Variants in TMEM65 observed in about 807,000 individuals in gnomAD.
TMEM65 encodes transmembrane protein 65.
TMEM65 carries 22 observed loss-of-function variants against 25.4 expected under a neutral mutation model. The observed-to-expected ratio is 0.86, with a 90% CI of 0.62 to 1.23. The LOEUF (loss-of-function observed/expected upper bound fraction) is 1.23, where lower values mean the gene tolerates loss of function less well. Ranked by LOEUF, TMEM65 falls within the 50% of genes most tolerant of loss-of-function variation. The pLI is 0.00. For missense variants in TMEM65, 262 were observed against 308.2 expected (o/e 0.85, Z 1.12); for synonymous variants, 132 against 126.2 (o/e 1.05, Z -0.31).
At chr8:124,363,256 G>A (rs1814894603) in intron 1 of TMEM65, among the ~76,000 whole-genome samples, 1 of 152,150 alleles carries the variant, frequency 6.6e-6, no homozygotes, top group East Asian at 1.9e-4. Flanking sequence ...AATAAGAAAT[G>A]ATGTTTAATC....
At chr8:124,342,382 T>G (rs1223308310) in intron 1 of TMEM65, among the ~76,000 whole-genome samples, 1 of 152,102 alleles carries the variant, frequency 6.6e-6, no homozygotes, top group Non-Finnish European at 1.5e-5. Context: ...TTCATAAAAC[T>G]GCTAACCCAA....
chr8:124,310,298 C>T lies in TMEM65; in HGVS notation c.*3662G>A, dbSNP rs922299248. On this transcript the variant is annotated 3_prime_UTR_variant, in exon 7 of 7. Coordinates refer to ENST00000297632, the MANE Select transcript of TMEM65 (RefSeq NM_194291.3). ...AGCACATAGTATGTAATAAAGAACA[C>T]AAGATTTCTTAAATGAATCTTGGAT... The T allele has an allele frequency of 1.3e-5, 2 of 152,134 alleles. No homozygotes were observed. The highest frequency in any genetic ancestry group is 2.4e-5 in the African/African-American group (1 of 41,424). The allele number at this position is 152,134 out of a possible 1,614,324, so 9.4% of individuals were successfully genotyped here. A position where few individuals can be genotyped will look rare whatever the true frequency, so the allele number is the denominator to read the frequency against.
chr8:124,354,010 T>G (rs375596400), intron 1 of TMEM65, among the ~76,000 whole-genome samples: 1 of 152,084 alleles, frequency 6.6e-6, no homozygotes, highest in African/African-American at 2.4e-5. Flanking sequence ...ATGGGCCAAA[T>G]GATAGGATGA....
chr8:124,369,242 T>C (rs1001485036), intron 1 of TMEM65, among the ~76,000 whole-genome samples: 1 of 152,356 alleles, frequency 6.6e-6, no homozygotes, highest in African/African-American at 2.4e-5. Context: ...CACAATATTC[T>C]ATTTAACTAT....
At chr8:124,348,324 T>G (rs1406134932) in intron 1 of TMEM65, among the ~76,000 whole-genome samples, 8 of 152,144 alleles carry the variant, frequency 5.3e-5, no homozygotes, top group African/African-American at 1.9e-4. Flanking sequence ...GACCTGTAGT[T>G]TCACACATAT....
chr8:124,365,538 C>A (rs772564803), intron 1 of TMEM65, among the ~76,000 whole-genome samples: 2 of 152,128 alleles, frequency 1.3e-5, no homozygotes, highest in African/African-American at 2.4e-5. Context: ...CCAAAGATAT[C>A]CCACATTCTA....
At position 124,361,783 on chromosome 8, in the gene TMEM65, C is replaced by G. The variant is rs189969396; in HGVS notation, c.304+10071G>C. On this transcript the variant is annotated intron_variant, in intron 1 of 6. Coordinates refer to ENST00000297632, the MANE Select transcript of TMEM65 (RefSeq NM_194291.3). ...CCCGGGAGGCAGAGGTTGCAGTGAG[C>G]GGAGATTGCGCCACTGCACTGCAGC... Among the ~76,000 whole-genome samples the G allele has an allele frequency of 9.4e-3, 1,429 of 151,288 alleles. 30 individuals are homozygous for G. Among genetic ancestry groups the G allele is most frequent in the Middle Eastern group, 0.017 (5 of 294 alleles).
At chr8:124,363,794 G>A (rs898126514) in intron 1 of TMEM65, among the ~76,000 whole-genome samples, 1 of 114,862 alleles carries the variant, frequency 8.7e-6, no homozygotes, top group Admixed American at 1.3e-4. Context: ...CCGAGATCCC[G>A]CCACTGCACT....
intron 1 of TMEM65, among the ~76,000 whole-genome samples, chr8:124,360,883 T>C (rs1233537167): frequency 6.6e-6 from 1 of 152,256 alleles, no homozygotes; most frequent in African/African-American, 2.4e-5. Flanking sequence ...TGTGTGTCTA[T>C]GTGTTAATAT....
Position 124,311,257 on chromosome 8 carries a change from T to A in TMEM65, c.*2703A>T, listed in dbSNP as rs564282670. ...GGAGGTGGTAAATTGTTCCATTCAC[T>A]ATCTCAGTGACATTGCTGCCACCTT... On this transcript the variant is annotated 3_prime_UTR_variant, in exon 7 of 7. Coordinates refer to ENST00000297632, the MANE Select transcript of TMEM65 (RefSeq NM_194291.3). 6.6e-6 allele frequency: 1 copy of A among 152,598 alleles called. No individual in the cohort carries two copies. Among genetic ancestry groups the A allele is most frequent in the South Asian group, 2.1e-4 (1 of 4,826 alleles). The allele number at this position is 152,598 out of a possible 1,614,324, so 9.5% of individuals were successfully genotyped here.
intron 3 of TMEM65, among the ~76,000 whole-genome samples, chr8:124,325,332 AT>A (rs1014903109): frequency 1.2e-4 from 19 of 152,088 alleles, no homozygotes; most frequent in African/African-American, 4.3e-4. Context: ...ATAATCACTT[AT>A]TTCCCCTTTC....
At chr8:124,326,087 T>G (rs1024304741) in intron 3 of TMEM65, among the ~76,000 whole-genome samples, 2 of 152,052 alleles carry the variant, frequency 1.3e-5, no homozygotes, top group African/African-American at 4.8e-5. Context: ...TTTTTAAAAG[T>G]TAGAGTCAGT....
intron 1 of TMEM65, among the ~76,000 whole-genome samples, chr8:124,358,596 T>C (rs73333906): frequency 0.02 from 2,975 of 152,304 alleles, 104 homozygotes; most frequent in African/African-American, 0.068. Context: ...CACTTCCATT[T>C]TCCATAAGTC....
chr8:124,333,793 G>C (rs1814467104), intron 1 of TMEM65, among the ~76,000 whole-genome samples: 1 of 152,178 alleles, frequency 6.6e-6, no homozygotes, highest in Non-Finnish European at 1.5e-5. Flanking sequence ...GTTTGTTGCA[G>C]CTTTCAGCCT....
Position 124,312,965 on chromosome 8 carries a change from A to G in TMEM65, c.*995T>C, listed in dbSNP as rs1478511144. On this transcript the variant is annotated 3_prime_UTR_variant, in exon 7 of 7. Transcript: ENST00000297632. Reference sequence around the variant, plus strand: ...TATTCCATTCAGATGAGAAGATGACATCTTTGGAGGGAAAAAAAAAAACCT... The same window carrying G: ...TATTCCATTCAGATGAGAAGATGACGTCTTTGGAGGGAAAAAAAAAAACCT... 1 of 150,276 alleles carries G rather than the reference A, an allele frequency of 6.7e-6. No homozygotes were observed. The highest frequency in any genetic ancestry group is 1.5e-5 in the Non-Finnish European group (1 of 67,734). The allele number at this position is 150,276 out of a possible 1,614,324, so 9.3% of individuals were successfully genotyped here.
intron 1 of TMEM65, among the ~76,000 whole-genome samples, chr8:124,334,763 CAAAAAA>C (rs34202764): frequency 2.3e-5 from 2 of 86,030 alleles, no homozygotes; most frequent in Non-Finnish European, 4.9e-5. Flanking sequence ...GACTCCGTCT[CAAAAAA>C]AAAAAAAAAA....
intron 1 of TMEM65, among the ~76,000 whole-genome samples, chr8:124,359,090 G>A (rs879841600): frequency 3.3e-5 from 5 of 152,300 alleles, no homozygotes; most frequent in East Asian, 1.9e-4. Context: ...CAACACTGCC[G>A]GGGATGCAAG....
intron 6 of TMEM65, among the ~76,000 whole-genome samples, chr8:124,317,359 CA>C (rs950583805): frequency 2.6e-5 from 4 of 151,124 alleles, no homozygotes; most frequent in African/African-American, 9.7e-5. Context: ...AATCCAAAAA[CA>C]AAAAAAAATT....
rs1325000832 is a variant in TMEM65, at chr8:124,352,476, A to ATAAAC, written c.304+19377_304+19378insGTTTA. Among the ~76,000 whole-genome samples the ATAAAC allele has an allele frequency of 1.4e-4, 5 of 35,020 alleles. No homozygotes were observed. The African/African-American group carries it at 1.7e-3, about 12-fold the overall frequency. 23.0% of individuals were successfully genotyped at this position (35,020 alleles called of 152,430 possible). On this transcript the variant is annotated intron_variant, in intron 1 of 6. Coordinates refer to ENST00000297632, the MANE Select transcript of TMEM65 (RefSeq NM_194291.3). ...ACTTAAATTCCTTGAATTTACTATC[A>ATAAAC]TAAAATAAAATAAAATAAAATAAAA... is the stretch of plus-strand genomic sequence containing the variant.
Sources: gnomAD v4.1 joint callset for allele counts (sites outside exome capture counted in the v4.1 genomes callset) on GRCh38, gnomAD v4.1.1 for gene constraint, MANE v1.5 for transcripts, NCBI Gene and HGNC (gene_info 2026-07-23, HGNC 2026-07-21) for gene names.